POLR3H: variants seen among roughly 807,000 people sequenced by gnomAD.
POLR3H encodes the protein RNA polymerase III subunit H.
In POLR3H, 17 loss-of-function variants were observed where a neutral mutation model predicts 25.5. That is an observed-to-expected ratio of 0.67 (90% confidence interval 0.46 to 1.00). The LOEUF (loss-of-function observed/expected upper bound fraction) is 1.00, where lower values mean the gene tolerates loss of function less well. POLR3H is among the 50% of genes least tolerant of loss of function. POLR3H has a pLI of 0.00. For synonymous variants in POLR3H, 129 were observed against 103.0 expected, an observed-to-expected ratio of 1.25 and a Z score of -1.53; for missense variants, 274 against 265.0, an observed-to-expected ratio of 1.03 and a Z score of -0.24.
rs758322583 is a variant in POLR3H, at chr22:41,528,865, G to A, written c.*418C>T. On this transcript the variant is annotated 3_prime_UTR_variant, in exon 6 of 6. Transcript: ENST00000355209. ...GCTCCATGCAACTGTATTTATTTTT[G>A]ATGACAAGACTCCCATCTAAAGTTT... The A allele has an allele frequency of 1.9e-6, 1 of 536,252 alleles. No individual in the cohort carries two copies. Among genetic ancestry groups the A allele is most frequent in the Non-Finnish European group, 3.3e-6 (1 of 307,118 alleles). 33.2% of individuals were successfully genotyped at this position (536,252 alleles called of 1,614,324 possible). A position where few individuals can be genotyped will look rare whatever the true frequency, so the allele number is the denominator to read the frequency against.
chr22:41,527,451 C>CATCCCATCCCT lies in POLR3H; in HGVS notation c.*1821_*1831dup. ...CTGGAGTCTGTACCCAGGCCATCCT[C>CATCCCATCCCT]ATCCCATCCCTAGTGATCAAGGTCA... On this transcript the variant is annotated 3_prime_UTR_variant, in exon 6 of 6. Coordinates refer to ENST00000355209, the MANE Select transcript of POLR3H (RefSeq NM_001018050.4). 2 of 1,585,302 alleles carry CATCCCATCCCT rather than the reference C, an allele frequency of 1.3e-6. No homozygotes were observed. The highest frequency in any genetic ancestry group is 1.7e-6 in the Non-Finnish European group (2 of 1,166,160).
At chr22:41,544,534 C>T (rs1250498956), upstream of POLR3H, 2 of 153,382 alleles carry the variant, frequency 1.3e-5, no homozygotes, top group Non-Finnish European at 2.9e-5. Context: ...CTGTCCACCC[C>T]CACCCCGCCG....
chr22:41,530,508 C>T (rs915883947), intron 5 of POLR3H, among the ~76,000 whole-genome samples, 179 bp downstream of exon 5: 2 of 152,204 alleles, frequency 1.3e-5, no homozygotes, highest in Non-Finnish European at 2.9e-5. Context: ...TACTGCCTCA[C>T]AGCCCTGGCC....
chr22:41,527,105 G>C lies in POLR3H; in HGVS notation c.*2178C>G, dbSNP rs2066615973. On this transcript the variant is annotated 3_prime_UTR_variant, in exon 6 of 6. Coordinates refer to ENST00000355209, the MANE Select transcript of POLR3H (RefSeq NM_001018050.4). ...CCTCTGTCCCCTCGGGGCCTCGTTT[G>C]GGTCTCATTCACGCAGGCTTCACTT... is the stretch of plus-strand genomic sequence containing the variant. 1 of 832,350 alleles carries C rather than the reference G, an allele frequency of 1.2e-6. No individual in the cohort carries two copies. The highest frequency in any genetic ancestry group is 2.8e-5 in the Admixed American group (1 of 35,232). 51.6% of individuals were successfully genotyped at this position (832,350 alleles called of 1,614,324 possible).
chr22:41,538,787 G>A (rs973642391), intron 2 of POLR3H, among the ~76,000 whole-genome samples: 11 of 152,166 alleles, frequency 7.2e-5, no homozygotes, highest in Non-Finnish European at 1.0e-4. Context: ...GCCTCTCGGC[G>A]TACCATGGTA....
chr22:41,530,521 C>A (rs1372549143), intron 5 of POLR3H, among the ~76,000 whole-genome samples, 166 bp downstream of exon 5: 1 of 152,240 alleles, frequency 6.6e-6, no homozygotes, highest in East Asian at 1.9e-4. Context: ...CCCTGGCCTA[C>A]AGAAACTCAG....
In POLR3H at chr22:41,532,698, T is replaced by C; in HGVS notation, c.256A>G (p.Ile86Val). ...VFHPFLDEIL[I>V]GKIKGCSPEG... ...GGGCTGCAGCCTTTGATCTTCCCAATGAGAATCTCATCTAGGAATGGATGA... is the reference window on the plus strand; with the variant it reads ...GGGCTGCAGCCTTTGATCTTCCCAACGAGAATCTCATCTAGGAATGGATGA... The change falls in exon 3 of 6, where the codon ATT becomes GTT. Residue 86 changes from isoleucine (I) to valine (V), a missense_variant. Transcript: ENST00000355209. 1 of 1,613,914 alleles carries C rather than the reference T, an allele frequency of 6.2e-7. No individual in the cohort carries two copies.
chr22:41,526,856 A>G lies in POLR3H; in HGVS notation c.*2427T>C, dbSNP rs956561001. On this transcript the variant is annotated 3_prime_UTR_variant, in exon 6 of 6. Transcript: ENST00000355209. ...GAGAAACAAACAGAACCAGGGCTGA[A>G]CCCAAGTCCTGGCCCAGCCGGGTGA... 2 of 304,010 alleles carry G rather than the reference A, an allele frequency of 6.6e-6. No individual in the cohort carries two copies. Among genetic ancestry groups the G allele is most frequent in the Non-Finnish European group, 1.2e-5 (2 of 162,062 alleles). 18.8% of individuals were successfully genotyped at this position (304,010 alleles called of 1,614,324 possible).
chr22:41,543,306 G>A (rs917215874), intron 1 of POLR3H, among the ~76,000 whole-genome samples: 19 of 152,054 alleles, frequency 1.2e-4, no homozygotes, highest in Admixed American at 1.1e-3. Context: ...AGTTAATTCT[G>A]TACTACTAGA....
chr22:41,532,141 G>A lies in POLR3H; in HGVS notation c.312C>T (p.Phe104=), dbSNP rs114996071. 393 of 1,614,096 alleles carry A rather than the reference G, an allele frequency of 2.4e-4. No homozygotes were observed. Among genetic ancestry groups the A allele is most frequent in the Admixed American group, 5.2e-4 (31 of 60,026 alleles). ...PEGVHVSLGF[F]DDILIPPESL... ...ACTCTGGGGGGATGAGAATGTCATC[G>A]AAGAAGCCTAGAGAGACTGGAAGGA... Residue 104 remains phenylalanine (F), a synonymous_variant, in exon 4 of 6, where the codon TTC becomes TTT. Coordinates refer to ENST00000355209, the MANE Select transcript of POLR3H (RefSeq NM_001018050.4).
intron 1 of POLR3H, among the ~76,000 whole-genome samples, chr22:41,541,697 GGGACTATAT>G (rs1415952488): frequency 2.6e-5 from 4 of 152,170 alleles, no homozygotes; most frequent in Non-Finnish European, 5.9e-5. Flanking sequence ...CTACCCCAAA[GGGACTATAT>G]TCCCTTCTTG....
rs957867386 is a variant in POLR3H, at chr22:41,528,143, G to A, written c.*1140C>T. 3 of 1,448,876 alleles carry A rather than the reference G, an allele frequency of 2.1e-6. No homozygotes were observed. The highest frequency in any genetic ancestry group is 2.8e-5 in the African/African-American group (2 of 70,512). The allele number at this position is 1,448,876 out of a possible 1,614,324, so 89.8% of individuals were successfully genotyped here. A position where few individuals can be genotyped will look rare whatever the true frequency, so the allele number is the denominator to read the frequency against. ...TTCATTCCAGCTGGAAAGGCCCCCA[G>A]TTCTCCAGGTGGCCCCACAGAGAAA... On this transcript the variant is annotated 3_prime_UTR_variant, in exon 6 of 6. Coordinates refer to ENST00000355209, the MANE Select transcript of POLR3H (RefSeq NM_001018050.4).
Position 41,544,231 on chromosome 22 carries a change from C to CG in POLR3H, c.-131dup, listed in dbSNP as rs1484674117. ...CCCCCAGGCTGGCGGTGAGGTTGCA[C>CG]GGGGCGGTCTCGGGGGCCCGGTCCG... On this transcript the variant is annotated 5_prime_UTR_variant, in exon 1 of 6. The change creates a premature stop within an existing upstream ORF in the 5' untranslated region. Coordinates refer to ENST00000355209, the MANE Select transcript of POLR3H (RefSeq NM_001018050.4). The CG allele has an allele frequency of 1.6e-6, 1 of 614,280 alleles. No homozygotes were observed. The highest frequency in any genetic ancestry group is 2.9e-6 in the Non-Finnish European group (1 of 344,040). The allele number at this position is 614,280 out of a possible 1,614,324, so 38.1% of individuals were successfully genotyped here. A position where few individuals can be genotyped will look rare whatever the true frequency, so the allele number is the denominator to read the frequency against.
intron 2 of POLR3H, chr22:41,538,999 A>T (rs893249578): frequency 2.0e-5 from 3 of 152,392 alleles, no homozygotes; most frequent in African/African-American, 7.2e-5. Flanking sequence ...GCAGTGGCTC[A>T]CGCCTGTAAT....
Position 41,544,336 on chromosome 22 carries a change from C to T in POLR3H, c.-235G>A, listed in dbSNP as rs2066984244. 2 of 408,412 alleles carry T rather than the reference C, an allele frequency of 4.9e-6. No homozygotes were observed. The highest frequency in any genetic ancestry group is 4.5e-5 in the Admixed American group (1 of 22,470). 25.3% of individuals were successfully genotyped at this position (408,412 alleles called of 1,614,324 possible). On this transcript the variant is annotated 5_prime_UTR_variant, in exon 1 of 6. Transcript: ENST00000355209. ...CCGTCCACAGCTCCGGGTGCGCGCC[C>T]GCGCCGCGAGACCCCGCCACGCCAC...
chr22:41,535,142 C>T (rs1026596608), intron 2 of POLR3H, among the ~76,000 whole-genome samples: 46 of 152,238 alleles, frequency 3.0e-4, no homozygotes, highest in African/African-American at 1.1e-3. Context: ...GCCTCATAAT[C>T]GGTGTTGAGT....
chr22:41,532,943 T>C (rs2066771006), intron 2 of POLR3H, among the ~76,000 whole-genome samples, 198 bp from the exon 3 acceptor site: 1 of 152,162 alleles, frequency 6.6e-6, no homozygotes, highest in African/African-American at 2.4e-5. Context: ...GTCCTGTAAC[T>C]GGGCACTCCC....
chr22:41,538,197 G>A (rs1208212514), intron 2 of POLR3H, among the ~76,000 whole-genome samples: 19 of 147,302 alleles, frequency 1.3e-4, no homozygotes, highest in Middle Eastern at 3.6e-3. Flanking sequence ...GCAGTGGTGC[G>A]ATCTCGGTTC....
At chr22:41,534,623 G>A (rs1241207776) in intron 2 of POLR3H, among the ~76,000 whole-genome samples, 2 of 152,126 alleles carry the variant, frequency 1.3e-5, no homozygotes, top group African/African-American at 4.8e-5. Flanking sequence ...CGCGCACGGT[G>A]GCTCAAGTCT....
Sources: gnomAD v4.1 joint callset for allele counts (sites outside exome capture counted in the v4.1 genomes callset) on GRCh38, gnomAD v4.1.1 for gene constraint, MANE v1.5 for transcripts, NCBI Gene and HGNC (gene_info 2026-07-23, HGNC 2026-07-21) for gene names.